ZWILCH: variants seen among roughly 807,000 people sequenced by gnomAD.
ZWILCH encodes protein zwilch homolog.
In ZWILCH, 74 loss-of-function variants were observed where a neutral mutation model predicts 79.9. The observed-to-expected ratio is 0.93, with a 90% CI of 0.77 to 1.12. The LOEUF is 1.12. Ranked by LOEUF, ZWILCH falls within the 50% of genes most tolerant of loss-of-function variation. The pLI is 0.00. For synonymous variants in ZWILCH, 241 were observed against 228.2 expected (o/e 1.06, Z -0.51); for missense variants, 694 against 687.5 (o/e 1.01, Z -0.11).
In ZWILCH at chr15:66,548,531, T is replaced by G; in HGVS notation, c.*207T>G. On this transcript the variant is annotated 3_prime_UTR_variant, in exon 19 of 19. Transcript: ENST00000307897. The stretch of plus-strand genomic sequence containing the variant: ...AGGAGGAGCATTAGTAGAACAGCAG[T>G]GATGAGGACACAGAGGGAGCAGACA... 2 of 1,613,264 alleles carry G rather than the reference T, an allele frequency of 1.2e-6. No individual in the cohort carries two copies. The highest frequency in any genetic ancestry group is 1.7e-6 in the Non-Finnish European group (2 of 1,179,288).
chr15:66,547,381 G>T (rs1430840689), intron 18 of ZWILCH: 1 of 151,500 alleles, frequency 6.6e-6, no homozygotes, highest in Non-Finnish European at 1.5e-5. Context: ...TGTATTTTTA[G>T]TAGAGACATT....
intron 15 of ZWILCH, 86 bp downstream of exon 15, chr15:66,536,155 A>G: frequency 8.2e-7 from 1 of 1,214,730 alleles, no homozygotes; most frequent in Non-Finnish European, 1.1e-6. Flanking sequence ...TTTTATTACC[A>G]GTTAGGATAG....
intron 2 of ZWILCH, among the ~76,000 whole-genome samples, chr15:66,511,751 G>A (rs904282444): frequency 2.0e-5 from 3 of 152,066 alleles, no homozygotes; most frequent in African/African-American, 4.8e-5. Context: ...AAGTAGCTGG[G>A]ATTATAGGCA....
At chr15:66,515,934 C>T (rs189146985) in intron 4 of ZWILCH, among the ~76,000 whole-genome samples, 3 of 152,316 alleles carry the variant, frequency 2.0e-5, no homozygotes, top group African/African-American at 7.2e-5. Flanking sequence ...AGTCTTTCTT[C>T]CTCAAATGAA....
intron 2 of ZWILCH, among the ~76,000 whole-genome samples, chr15:66,509,833 A>G (rs1893976284): frequency 3.5e-5 from 1 of 28,502 alleles, no homozygotes; most frequent in Non-Finnish European, 7.3e-5. Flanking sequence ...ATATATATAT[A>G]TATATATATA....
At chr15:66,508,515 A>C (rs1388857114) in intron 1 of ZWILCH, among the ~76,000 whole-genome samples, 1 of 152,252 alleles carries the variant, frequency 6.6e-6, no homozygotes, top group Non-Finnish European at 1.5e-5. Context: ...TTTTAATTTT[A>C]ACTGGTGATG....
At chr15:66,539,399 G>A (rs1011243914) in intron 16 of ZWILCH, among the ~76,000 whole-genome samples, 5 of 68,162 alleles carry the variant, frequency 7.3e-5, no homozygotes, top group Admixed American at 3.6e-4. Context: ...GCAAGACCCT[G>A]TCAAAAAAAA....
At chr15:66,541,466 G>A (rs890419913) in intron 17 of ZWILCH, among the ~76,000 whole-genome samples, 2 of 152,116 alleles carry the variant, frequency 1.3e-5, no homozygotes, top group African/African-American at 4.8e-5. Flanking sequence ...AGTAAAAATA[G>A]GTTGTAAGAT....
Position 66,546,643 on chromosome 15 carries a change from T to C in ZWILCH, c.1740T>C (p.Thr580=). Residue 580 remains threonine, a synonymous_variant, in exon 18 of 19, where the codon ACT becomes ACC. Coordinates refer to ENST00000307897, the MANE Select transcript of ZWILCH (RefSeq NM_017975.5). ...NGSLEERIFF[T]NMVTCSQVHF... ...GCCTGGAAGAAAGGATATTCTTTAC[T>C]AACATGGTTACCTGCAGCCAGGTGC... 1 of 1,609,578 alleles carries C rather than the reference T, an allele frequency of 6.2e-7. No homozygotes were observed. Among genetic ancestry groups the C allele is most frequent in the Non-Finnish European group, 8.5e-7 (1 of 1,178,016 alleles).
At chr15:66,517,231 T>C (rs1405769926) in intron 4 of ZWILCH, among the ~76,000 whole-genome samples, 2 of 151,180 alleles carry the variant, frequency 1.3e-5, no homozygotes, top group Non-Finnish European at 3.0e-5. Context: ...TTTGCTTCTT[T>C]TTCTTCTCCT....
chr15:66,524,928 A>C (rs1595913056), intron 8 of ZWILCH, among the ~76,000 whole-genome samples: 1 of 151,872 alleles, frequency 6.6e-6, no homozygotes, highest in Non-Finnish European at 1.5e-5. Context: ...GAGCTGATCT[A>C]TTCAGTGATT....
intron 14 of ZWILCH, among the ~76,000 whole-genome samples, chr15:66,533,275 A>C (rs79243674): frequency 0.013 from 1,975 of 152,166 alleles, 35 homozygotes; most frequent in African/African-American, 0.045. Context: ...CACACATCTC[A>C]TCTATCCAGA....
intron 17 of ZWILCH, among the ~76,000 whole-genome samples, chr15:66,545,749 G>T (rs913198838): frequency 6.6e-6 from 1 of 152,152 alleles, no homozygotes; most frequent in Non-Finnish European, 1.5e-5. Flanking sequence ...TTCGAAGGGG[G>T]TATCTCATTT....
intron 2 of ZWILCH, among the ~76,000 whole-genome samples, chr15:66,509,822 CATATATATATATATATATATATATATAT>C (rs201725734): frequency 0.12 from 10,872 of 89,000 alleles, 773 homozygotes; most frequent in South Asian, 0.14. Context: ...TGTGTGGCTA[CATATATATATATATATATATATATATAT>C]ATATATATAT....
intron 10 of ZWILCH, among the ~76,000 whole-genome samples, chr15:66,528,585 C>T (rs773365406): frequency 2.1e-5 from 3 of 146,002 alleles, no homozygotes; most frequent in African/African-American, 2.5e-5. Context: ...AATAGGAAAA[C>T]GGAGACCAAG....
At chr15:66,519,540 C>T (rs907907957) in intron 5 of ZWILCH, among the ~76,000 whole-genome samples, 4 of 152,022 alleles carry the variant, frequency 2.6e-5, no homozygotes, top group African/African-American at 4.8e-5. Context: ...CTGCAACCTC[C>T]GCCTCCTGGG....
chr15:66,505,652 T>G (rs1047715515), intron 1 of ZWILCH: 1 of 511,474 alleles, frequency 2.0e-6, no homozygotes, highest in Non-Finnish European at 3.4e-6. Flanking sequence ...ATTTATTCTT[T>G]CTGCTGATGG....
rs1180456312 is a variant in ZWILCH, at chr15:66,517,455, T to TATATATAGAGAGAGAGAGAG, written c.321-1423_321-1422insTATATAGAGAGAGAGAGAGA. On this transcript the variant is annotated intron_variant, in intron 4 of 18. Coordinates refer to ENST00000307897, the MANE Select transcript of ZWILCH (RefSeq NM_017975.5). ...GTATATATATATATATATATATATA[T>TATATATAGAGAGAGAGAGAG]AGTAATGTACACACATACACCATTT... Among the ~76,000 whole-genome samples the TATATATAGAGAGAGAGAGAG allele has an allele frequency of 6.9e-5, 8 of 115,216 alleles. No individual in the cohort carries two copies. The East Asian group carries it at 2.0e-3, about 29-fold the overall frequency. 75.6% of individuals were successfully genotyped at this position (115,216 alleles called of 152,430 possible). A position where few individuals can be genotyped will look rare whatever the true frequency, so the allele number is the denominator to read the frequency against.
At chr15:66,509,854 TATATATATATATATATCTCTTAAAAATCA>T (rs1258584647) in intron 2 of ZWILCH, among the ~76,000 whole-genome samples, 4 of 92,258 alleles carry the variant, frequency 4.3e-5, no homozygotes, top group African/African-American at 1.4e-4. Context: ...TATATATATA[TATATATATATATATATCTCTTAAAAATCA>T]ATGAGGAAGA....
Sources: allele counts gnomAD v4.1 joint callset (sites outside exome capture counted in the v4.1 genomes callset), GRCh38; gene constraint gnomAD v4.1.1; transcripts MANE v1.5; gene names NCBI Gene and HGNC (gene_info 2026-07-23, HGNC 2026-07-21).